The following TEX11 variants were observed in gnomAD, a reference collection of about 807,000 sequenced individuals.
The protein encoded by TEX11 is testis-expressed protein 11.
A neutral mutation model predicts 84.4 loss-of-function variants in TEX11; 7 were observed. The ratio of observed to expected loss-of-function variants is 0.08; its 90% CI spans 0.05 to 0.16. The LOEUF (loss-of-function observed/expected upper bound fraction) is 0.16. Among genes scored for constraint, TEX11 ranks in the 10% least tolerant of loss-of-function variants. TEX11 has a pLI of 1.00. For missense variants in TEX11, 551 were observed against 660.5 expected (o/e 0.83, Z 1.82); for synonymous variants, 264 against 222.8 (o/e 1.18, Z -1.64).
At chrX:70,548,331 A>G (rs1415437293) in intron 28 of TEX11, among the ~76,000 whole-genome samples, 1 of 110,072 alleles carries the variant, frequency 9.1e-6, no homozygotes, top group Non-Finnish European at 1.9e-5. Context: ...TGATGAGTTA[A>G]TGGGTGCAGC....
At chrX:70,543,546 A>G (rs1305628312) in intron 28 of TEX11, among the ~76,000 whole-genome samples, 2 of 112,746 alleles carry the variant, frequency 1.8e-5, no homozygotes, top group African/African-American at 6.4e-5. Flanking sequence ...CTCATGGCTT[A>G]GAAATAGAAT....
chrX:70,827,201 C>T (rs2091351646), intron 8 of TEX11, among the ~76,000 whole-genome samples: 1 of 110,947 alleles, frequency 9.0e-6, no homozygotes, highest in African/African-American at 3.3e-5. Context: ...GGAAAGGATC[C>T]AGTCCTGGCA....
At chrX:70,690,358 C>T (rs1477216346) in intron 13 of TEX11, among the ~76,000 whole-genome samples, 1 of 111,516 alleles carries the variant, frequency 9.0e-6, no homozygotes, top group African/African-American at 3.3e-5. Flanking sequence ...ACTCTTTGTA[C>T]TATCTTCCCA....
intron 9 of TEX11, among the ~76,000 whole-genome samples, chrX:70,744,549 G>C (rs928100705): frequency 9.2e-6 from 1 of 108,139 alleles, no homozygotes; most frequent in Admixed American, 1.0e-4. Context: ...TTAATATACT[G>C]CCTTAAATAT....
At chrX:70,548,161 C>T (rs1233136106) in intron 28 of TEX11, among the ~76,000 whole-genome samples, 2 of 109,314 alleles carry the variant, frequency 1.8e-5, no homozygotes, top group South Asian at 4.0e-4. Flanking sequence ...AGCAAACTAT[C>T]GCAAGGACAA....
intron 9 of TEX11, among the ~76,000 whole-genome samples, chrX:70,805,531 G>A (rs2091214134): frequency 9.1e-6 from 1 of 110,418 alleles, no homozygotes; most frequent in African/African-American, 3.3e-5. Context: ...CTCCCGAGTA[G>A]CTGGGATTAC....
chrX:70,672,950 G>A (rs1402653544), intron 15 of TEX11: 1 of 119,233 alleles, frequency 8.4e-6, no homozygotes, highest in Non-Finnish European at 1.8e-5. Flanking sequence ...GGGTTGGGGT[G>A]TTTGGTCCTT....
At chrX:70,869,092 TAAAATAAAATAAAATAAAATA>T (rs2091616512) in intron 4 of TEX11, among the ~76,000 whole-genome samples, 2 of 96,872 alleles carry the variant, frequency 2.1e-5, no homozygotes, top group Admixed American at 2.3e-4. Context: ...TAAAATAAAA[TAAAATAAAATAAAATAAAATA>T]AAACAAAATA....
At chrX:70,844,481 G>A (rs1383762679) in intron 7 of TEX11, among the ~76,000 whole-genome samples, 1 of 70,138 alleles carries the variant, frequency 1.4e-5, no homozygotes, top group Non-Finnish European at 2.6e-5. Flanking sequence ...GGAGGGGGGA[G>A]GGATAGCATT....
intron 11 of TEX11, among the ~76,000 whole-genome samples, chrX:70,735,065 TTTTTGAGACGGAG>T (rs1243944911): frequency 2.7e-5 from 3 of 111,873 alleles, no homozygotes; most frequent in African/African-American, 9.7e-5. Context: ...TGATTTTTTT[TTTTTGAGACGGAG>T]TTTTGCTCTT....
At chrX:70,799,139 C>T (rs368336997) in intron 9 of TEX11, among the ~76,000 whole-genome samples, 61 of 111,661 alleles carry the variant, frequency 5.5e-4, no homozygotes, top group African/African-American at 2.0e-3. Flanking sequence ...TTTTATTTAT[C>T]AACATAAGCT....
intron 9 of TEX11, among the ~76,000 whole-genome samples, chrX:70,770,359 A>G (rs763540793): frequency 6.3e-5 from 7 of 111,854 alleles, no homozygotes; most frequent in Admixed American, 1.9e-4. Context: ...ATAAATAAAC[A>G]TATCCCCTAT....
intron 9 of TEX11, among the ~76,000 whole-genome samples, chrX:70,788,145 A>C (rs1321219927): frequency 1.8e-5 from 2 of 112,241 alleles, no homozygotes; most frequent in Non-Finnish European, 3.8e-5. Flanking sequence ...ATCAATTTTC[A>C]TAGAAATGGG....
At chrX:70,599,793 G>T (rs1226647369) in intron 24 of TEX11, among the ~76,000 whole-genome samples, 1 of 106,485 alleles carries the variant, frequency 9.4e-6, no homozygotes, top group African/African-American at 3.4e-5. Flanking sequence ...TCTTGCGATA[G>T]TTTACTGAGA....
the TEX11 span, among the ~76,000 whole-genome samples, chrX:70,519,460 T>G: frequency 1.8e-5 from 2 of 112,426 alleles, no homozygotes; most frequent in Admixed American, 1.9e-4. Context: ...TTCTGGCTTG[T>G]AGAGTTTCTG....
At chrX:70,787,554 C>T (rs890538562) in intron 9 of TEX11, among the ~76,000 whole-genome samples, 4 of 110,814 alleles carry the variant, frequency 3.6e-5, no homozygotes, top group Admixed American at 9.7e-5. Flanking sequence ...TGGTCTCAAT[C>T]TCCTGACCTC....
At chrX:70,584,657 C>T (rs1166236902) in intron 25 of TEX11, among the ~76,000 whole-genome samples, 1 of 111,721 alleles carries the variant, frequency 9.0e-6, no homozygotes. Context: ...CATGAAAATA[C>T]TAGCAAACCA....
intron 17 of TEX11, among the ~76,000 whole-genome samples, chrX:70,650,893 A>G (rs1029516843): frequency 1.7e-4 from 19 of 111,928 alleles, no homozygotes; most frequent in African/African-American, 6.2e-4. Context: ...GTGCCCATGC[A>G]GACACACCAG....
At chrX:70,594,664 T>C (rs2088980260) in intron 24 of TEX11, among the ~76,000 whole-genome samples, 2 of 111,082 alleles carry the variant, frequency 1.8e-5, no homozygotes, top group Non-Finnish European at 3.8e-5. Flanking sequence ...TCACCTTGAA[T>C]TGTAGTTCCC....
Sources: allele counts gnomAD v4.1 joint callset (sites outside exome capture counted in the v4.1 genomes callset), GRCh38; gene constraint gnomAD v4.1.1; transcripts MANE v1.5; gene names NCBI Gene and HGNC (gene_info 2026-07-23, HGNC 2026-07-21).